SGCG: variants seen among roughly 807,000 people sequenced by gnomAD.
SGCG encodes sarcoglycan gamma, also known as gamma-sarcoglycan.
Under a neutral mutation model 29.3 loss-of-function variants are expected in SGCG, and 26 were observed. The observed-to-expected ratio is 0.89, with a 90% CI of 0.65 to 1.23. The LOEUF (loss-of-function observed/expected upper bound fraction) is 1.23. SGCG is among the 50% of genes most tolerant of loss of function. SGCG has a pLI of 0.00. For synonymous variants in SGCG, 145 were observed against 129.7 expected (o/e 1.12, Z -0.80); for missense variants, 353 against 356.0 (o/e 0.99, Z 0.07).
chr13:23,204,027 A>T (rs1877882699), intron 2 of SGCG, 138 bp downstream of exon 2: 1 of 704,768 alleles, frequency 1.4e-6, no homozygotes, highest in Non-Finnish European at 2.5e-6. Flanking sequence ...CAGGAGCAAA[A>T]TATGTATGTA....
chr13:23,305,037 A>G (rs1882314233), intron 6 of SGCG, among the ~76,000 whole-genome samples: 3 of 152,094 alleles, frequency 2.0e-5, no homozygotes, highest in Admixed American at 2.0e-4. Context: ...ATCATTGAAC[A>G]TTAGTCTGCC....
At chr13:23,232,962 C>T (rs1414167124) in intron 2 of SGCG, among the ~76,000 whole-genome samples, 3 of 152,174 alleles carry the variant, frequency 2.0e-5, no homozygotes, top group Non-Finnish European at 4.4e-5. Context: ...TTCTTGTGCA[C>T]TGTTAGAATA....
intron 6 of SGCG, among the ~76,000 whole-genome samples, chr13:23,312,613 C>T (rs1022741008): frequency 6.6e-6 from 1 of 152,088 alleles, no homozygotes; most frequent in African/African-American, 2.4e-5. Context: ...TTGGGAGGAT[C>T]AGGGGGTGAG....
chr13:23,223,740 G>A (rs1878778373), intron 2 of SGCG, among the ~76,000 whole-genome samples: 1 of 152,088 alleles, frequency 6.6e-6, no homozygotes, highest in African/African-American at 2.4e-5. Context: ...GGCTGAGGAG[G>A]GCAGATCATG....
intron 4 of SGCG, among the ~76,000 whole-genome samples, chr13:23,255,593 G>A (rs529615160): frequency 1.3e-5 from 2 of 152,280 alleles, no homozygotes; most frequent in Admixed American, 1.3e-4. Context: ...TGTAGGAGTT[G>A]GGGCCTGATG....
intron 7 of SGCG, among the ~76,000 whole-genome samples, chr13:23,321,539 C>G (rs1170082157): frequency 6.6e-6 from 1 of 152,144 alleles, no homozygotes; most frequent in East Asian, 1.9e-4. Context: ...AACACAAGTA[C>G]CACAATAACT....
intron 5 of SGCG, among the ~76,000 whole-genome samples, chr13:23,285,754 A>G (rs1440082206): frequency 6.6e-6 from 1 of 150,758 alleles, no homozygotes; most frequent in African/African-American, 2.4e-5. Context: ...ACCTGAGGGA[A>G]TCTCCTGGTC....
At position 23,324,364 on chromosome 13, in the gene SGCG, C is replaced by G; in HGVS notation, c.703-4C>G. The G allele has an allele frequency of 6.2e-7, 1 of 1,614,154 alleles. No individual in the cohort carries two copies. The highest frequency in any genetic ancestry group is 8.5e-7 in the Non-Finnish European group (1 of 1,179,998). On this transcript the variant is annotated splice_region_variant and splice_polypyrimidine_tract_variant and intron_variant, in intron 7 of 7. Coordinates refer to ENST00000218867, the MANE Select transcript of SGCG (RefSeq NM_000231.3). ...CTCTTCGTCTCTCATCTTCTCCCAA[C>G]CAGCTTGTGCTTGATGCTGAAACTG... is the stretch of plus-strand genomic sequence containing the variant.
At chr13:23,302,714 A>G (rs2137658563) in intron 6 of SGCG, among the ~76,000 whole-genome samples, 1 of 152,312 alleles carries the variant, frequency 6.6e-6, no homozygotes, top group South Asian at 2.1e-4. Flanking sequence ...ACAAAAAGTA[A>G]AATTGTATAA....
the SGCG span, among the ~76,000 whole-genome samples, chr13:23,160,785 T>C: frequency 2.6e-5 from 4 of 152,146 alleles, no homozygotes; most frequent in Admixed American, 6.5e-5. Flanking sequence ...CTCCTAGGAC[T>C]CCATCACCAC....
chr13:23,276,764 T>C (rs530230220), intron 4 of SGCG, among the ~76,000 whole-genome samples: 21 of 152,308 alleles, frequency 1.4e-4, no homozygotes, highest in African/African-American at 4.1e-4. Context: ...TCCAAATCAG[T>C]TGCAGGCATC....
chr13:23,286,192 A>T (rs1168774145), intron 5 of SGCG, among the ~76,000 whole-genome samples: 1 of 152,180 alleles, frequency 6.6e-6, no homozygotes, highest in Non-Finnish European at 1.5e-5. Context: ...TACTACAAAG[A>T]TCTGTAGCCA....
intron 4 of SGCG, among the ~76,000 whole-genome samples, chr13:23,263,885 G>T (rs1479524146): frequency 1.3e-5 from 2 of 152,010 alleles, no homozygotes; most frequent in African/African-American, 4.8e-5. Context: ...ATTCTTTTCT[G>T]ATAAAAACCC....
chr13:23,277,152 C>T (rs1881109717), intron 4 of SGCG, among the ~76,000 whole-genome samples: 1 of 152,124 alleles, frequency 6.6e-6, no homozygotes, highest in Admixed American at 6.5e-5. Flanking sequence ...TGTCACAGTT[C>T]AACCCCTTAT....
intron 4 of SGCG, among the ~76,000 whole-genome samples, chr13:23,255,727 A>AG (rs1880149969): frequency 6.6e-6 from 1 of 152,120 alleles, no homozygotes; most frequent in Admixed American, 6.5e-5. Context: ...CGGGGTTTTA[A>AG]GGGTTTTTTT....
intron 2 of SGCG, among the ~76,000 whole-genome samples, chr13:23,234,311 CTTAAT>C (rs1020493099): frequency 8.6e-5 from 13 of 151,898 alleles, no homozygotes; most frequent in African/African-American, 2.9e-4. Context: ...TTTATTGTAC[CTTAAT>C]TTAATTTTTT....
chr13:23,168,180 GTTGT>G, the SGCG span, among the ~76,000 whole-genome samples: 28 of 152,028 alleles, frequency 1.8e-4, no homozygotes, highest in Non-Finnish European at 3.4e-4. Context: ...TTTTCACATC[GTTGT>G]TTGTTTCCTT....
At chr13:23,200,607 G>C (rs1877705684) in intron 1 of SGCG, among the ~76,000 whole-genome samples, 1 of 152,126 alleles carries the variant, frequency 6.6e-6, no homozygotes, top group Admixed American at 6.5e-5. Context: ...TGGAGGGTGA[G>C]CATTTACAAT....
At chr13:23,300,972 C>A (rs1170051532) in intron 6 of SGCG, among the ~76,000 whole-genome samples, 1 of 151,972 alleles carries the variant, frequency 6.6e-6, no homozygotes, top group Admixed American at 6.6e-5. Flanking sequence ...AAGAATTAGC[C>A]GGGTGTGGTG....
Sources: allele counts gnomAD v4.1 joint callset (sites outside exome capture counted in the v4.1 genomes callset), GRCh38; gene constraint gnomAD v4.1.1; transcripts MANE v1.5; gene names NCBI Gene and HGNC (gene_info 2026-07-23, HGNC 2026-07-21).